The following TMEM204 variants were observed in gnomAD, a reference collection of about 807,000 sequenced individuals.
The protein encoded by TMEM204 is claudin-like protein 24.
Under a neutral mutation model 19.4 loss-of-function variants are expected in TMEM204, and 15 were observed. The ratio of observed to expected loss-of-function variants is 0.77; its 90% CI spans 0.52 to 1.19. The LOEUF (loss-of-function observed/expected upper bound fraction) is 1.19, where lower values mean the gene tolerates loss of function less well. Ranked by LOEUF, TMEM204 falls within the 50% of genes most tolerant of loss-of-function variation. TMEM204 has a pLI of 0.00. For missense variants in TMEM204, 287 were observed against 321.2 expected, an observed-to-expected ratio of 0.89 and a Z score of 0.81; for synonymous variants, 161 against 146.0, an observed-to-expected ratio of 1.10 and a Z score of -0.74.
In TMEM204 at chr16:1,555,201, A is replaced by G. The variant is rs1171444266; in HGVS notation, c.*175A>G. 3.9e-5 allele frequency: 32 copies of G among 821,518 alleles called. No individual in the cohort carries two copies. The highest frequency in any genetic ancestry group is 5.9e-5 in the Non-Finnish European group (32 of 542,330). The allele number at this position is 821,518 out of a possible 1,614,324, so 50.9% of individuals were successfully genotyped here. ...GTGCGTTTACTGTTATGTCGGTCATATGTCTGTACGTGTCGTGGGCCAACC... is the reference window on the plus strand; with the variant it reads ...GTGCGTTTACTGTTATGTCGGTCATGTGTCTGTACGTGTCGTGGGCCAACC... On this transcript the variant is annotated 3_prime_UTR_variant, in exon 3 of 3. Coordinates refer to ENST00000566264, the MANE Select transcript of TMEM204 (RefSeq NM_024600.6).
rs2076443 is a variant in TMEM204, at chr16:1,541,961, G to A, written c.321G>A (p.Thr107=). Residue 107 remains threonine (T), a synonymous_variant, in exon 2 of 3, where the codon ACG becomes ACA. Transcript: ENST00000566264. ...TGCGCGCCTGCAACCTGGTGGCCAC[G>A]GCCGCGCTCACCGCAGGCCAGCTCA... The part of the protein sequence containing the change: ...DMMRACNLVA[T]AALTAGQLTF... 0.22 allele frequency: 348,747 copies of A among 1,609,750 alleles called. 41,093 individuals are homozygous for A. Among genetic ancestry groups the A allele is most frequent in the African/African-American group, 0.38 (28,235 of 74,970 alleles).
At chr16:1,535,139 G>A (rs1328389847) in intron 1 of TMEM204, among the ~76,000 whole-genome samples, 10 of 152,108 alleles carry the variant, frequency 6.6e-5, no homozygotes, top group Admixed American at 6.5e-4. Context: ...TTGTTCTCAC[G>A]GTTGTTGGGG....
chr16:1,543,841 C>T (rs1401947535), intron 2 of TMEM204, among the ~76,000 whole-genome samples: 2 of 152,110 alleles, frequency 1.3e-5, no homozygotes, highest in Non-Finnish European at 2.9e-5. Flanking sequence ...CAATCTCTAC[C>T]GCGTGCAGGA....
At chr16:1,540,425 C>T (rs766316104) in intron 1 of TMEM204, among the ~76,000 whole-genome samples, 3 of 152,244 alleles carry the variant, frequency 2.0e-5, no homozygotes, top group Non-Finnish European at 4.4e-5. Flanking sequence ...GCCCCGTGCA[C>T]GCGTGAACCT....
intron 2 of TMEM204, chr16:1,554,161 A>G (rs2032901205): frequency 2.3e-6 from 3 of 1,283,198 alleles, no homozygotes; most frequent in South Asian, 2.5e-5. Context: ...GCCCTAGACA[A>G]GGCCCTGGCC....
chr16:1,552,679 C>T (rs1272858252), intron 2 of TMEM204, among the ~76,000 whole-genome samples: 4 of 137,372 alleles, frequency 2.9e-5, no homozygotes, highest in Non-Finnish European at 6.1e-5. Flanking sequence ...AATGGAGTCT[C>T]GCTCTGTCGC....
chr16:1,533,288 G>A (rs1024697267), upstream of TMEM204: 1 of 152,150 alleles, frequency 6.6e-6, no homozygotes, highest in Admixed American at 6.6e-5. This position sits in a 1 kb window ranked among gnomAD's most constrained non-coding sequence, Gnocchi z 4.7. Flanking sequence ...TGGAACACAC[G>A]GGCGGGGGGA....
rs746825027 is a variant in TMEM204, at chr16:1,534,470, C to T, written c.195C>T (p.Ala65=). 4.1e-5 allele frequency: 66 copies of T among 1,610,854 alleles called. No individual in the cohort carries two copies. Among genetic ancestry groups the T allele is most frequent in the Non-Finnish European group, 5.0e-5 (59 of 1,179,858 alleles). Residue 65 remains alanine, a synonymous_variant, in exon 1 of 3, where the codon GCC becomes GCT. Coordinates refer to ENST00000566264, the MANE Select transcript of TMEM204 (RefSeq NM_024600.6). ...TRGGPSPGAR[A]GQVDAHDCEA... is the part of the protein sequence containing the mutation. Reference sequence around the variant, plus strand: ...GAGGGCCGAGCCCTGGGGCCAGAGCCGGCCAGGTGGACGCACATGACTGTG... The same window carrying T: ...GAGGGCCGAGCCCTGGGGCCAGAGCTGGCCAGGTGGACGCACATGACTGTG...
chr16:1,552,245 C>T (rs1380683225), intron 2 of TMEM204, among the ~76,000 whole-genome samples: 6 of 152,142 alleles, frequency 3.9e-5, no homozygotes, highest in African/African-American at 1.2e-4. Context: ...GCCGGTATAA[C>T]CTCCTCCCGC....
At chr16:1,541,477 C>T (rs2031629302) in intron 1 of TMEM204, 2 of 985,290 alleles carry the variant, frequency 2.0e-6, no homozygotes, top group Admixed American at 6.1e-5. Context: ...GGAGCTGGCC[C>T]CCCGCGGAGT....
Position 1,555,106 on chromosome 16 carries a change from C to G in TMEM204, c.*80C>G, listed in dbSNP as rs1047626751. ...AAACCAAGGGACTCCACCACCAAGTCACTTCCCCTGCTCGTGCAGAGGCAC... is the reference window on the plus strand; with the variant it reads ...AAACCAAGGGACTCCACCACCAAGTGACTTCCCCTGCTCGTGCAGAGGCAC... On this transcript the variant is annotated 3_prime_UTR_variant, in exon 3 of 3. Transcript: ENST00000566264. 5.3e-6 allele frequency: 8 copies of G among 1,517,724 alleles called. No individual in the cohort carries two copies. The South Asian group carries it at 1.0e-4, about 19-fold the overall frequency. The allele number at this position is 1,517,724 out of a possible 1,614,324, so 94.0% of individuals were successfully genotyped here. A position where few individuals can be genotyped will look rare whatever the true frequency, so the allele number is the denominator to read the frequency against.
In TMEM204 at chr16:1,553,316, G is replaced by C. The variant is rs1274306287; in HGVS notation, c.437-1466G>C. 24 of 984,652 alleles carry C rather than the reference G, an allele frequency of 2.4e-5. No individual in the cohort carries two copies. The highest frequency in any genetic ancestry group is 5.2e-4 in the Middle Eastern group (1 of 1,936). The allele number at this position is 984,652 out of a possible 1,614,324, so 61.0% of individuals were successfully genotyped here. A position where few individuals can be genotyped will look rare whatever the true frequency, so the allele number is the denominator to read the frequency against. Reference sequence around the variant, plus strand: ...CCTGTCTCTCTGTGTCTCTGTCTCTGTGTCTCTGTCCCTGTGTCTCTTTTT... The same window carrying C: ...CCTGTCTCTCTGTGTCTCTGTCTCTCTGTCTCTGTCCCTGTGTCTCTTTTT... On this transcript the variant is annotated intron_variant, in intron 2 of 2. Coordinates refer to ENST00000566264, the MANE Select transcript of TMEM204 (RefSeq NM_024600.6). This position sits in a 1 kb window ranked among gnomAD's most constrained non-coding sequence, Gnocchi z 4.4.
intron 2 of TMEM204, chr16:1,554,028 C>T: frequency 7.8e-7 from 1 of 1,287,230 alleles, no homozygotes; most frequent in Non-Finnish European, 1.0e-6. Flanking sequence ...CTCTCCTTCT[C>T]TGGTTTCAGG....
At position 1,551,754 on chromosome 16, in the gene TMEM204, C is replaced by G. The variant is rs2032657059; in HGVS notation, c.437-3028C>G. ...TTGGGAGCTACCTATACAAAGGAGG[C>G]CACACCACACGTGCGTGGTCCGGCA... On this transcript the variant is annotated intron_variant, in intron 2 of 2. Coordinates refer to ENST00000566264, the MANE Select transcript of TMEM204 (RefSeq NM_024600.6). The surrounding 1 kb of genome is among the most constrained non-coding windows in gnomAD (Gnocchi z 4.0). Among the ~76,000 whole-genome samples, 2 of 152,188 alleles carry G rather than the reference C, an allele frequency of 1.3e-5. No individual in the cohort carries two copies. The highest frequency in any genetic ancestry group is 1.3e-4 in the Admixed American group (2 of 15,282).
At chr16:1,536,830 C>T (rs903432816) in intron 1 of TMEM204, among the ~76,000 whole-genome samples, 4 of 152,234 alleles carry the variant, frequency 2.6e-5, no homozygotes, top group Non-Finnish European at 5.9e-5. Flanking sequence ...GGGGTGGCCC[C>T]TCTGTCCACA....
At chr16:1,545,209 CG>C (rs1032968946) in intron 2 of TMEM204, among the ~76,000 whole-genome samples, 1 of 152,064 alleles carries the variant, frequency 6.6e-6, no homozygotes, top group Non-Finnish European at 1.5e-5. Context: ...GGGATGGTGG[CG>C]GGGGCGGGAC....
chr16:1,549,028 C>T (rs977168435), intron 2 of TMEM204, among the ~76,000 whole-genome samples: 3 of 152,254 alleles, frequency 2.0e-5, no homozygotes. Context: ...TCTCCAGCAG[C>T]GGTGCCCCTG....
intron 1 of TMEM204, chr16:1,541,033 C>G: frequency 1.0e-6 from 1 of 985,440 alleles, no homozygotes. Flanking sequence ...TTCTCTGCTA[C>G]AGAAACGTGA....
At chr16:1,545,971 C>T (rs1485969657) in intron 2 of TMEM204, among the ~76,000 whole-genome samples, 2 of 152,252 alleles carry the variant, frequency 1.3e-5, no homozygotes, top group African/African-American at 2.4e-5. Context: ...GGCTTGGCTG[C>T]CGCTGCCCTT....
Sources: allele counts gnomAD v4.1 joint callset (sites outside exome capture counted in the v4.1 genomes callset), GRCh38; gene constraint gnomAD v4.1.1; non-coding constraint Gnocchi (gnomAD v3.1); transcripts MANE v1.5; gene names NCBI Gene and HGNC (gene_info 2026-07-23, HGNC 2026-07-21).